Variants in TAF4B observed in about 807,000 individuals in gnomAD.
TAF4B encodes TATA-box binding protein associated factor 4b, also known as transcription initiation factor TFIID subunit 4B.
A neutral mutation model predicts 86.4 loss-of-function variants in TAF4B; 38 were observed. The ratio of observed to expected loss-of-function variants is 0.44; its 90% CI spans 0.34 to 0.58. The LOEUF is 0.58. Among genes scored for constraint, TAF4B ranks in the 20% least tolerant of loss-of-function variants. The pLI is 0.02. For synonymous variants in TAF4B, 388 were observed against 391.2 expected, an observed-to-expected ratio of 0.99 and a Z score of 0.10; for missense variants, 988 against 1,027.6, an observed-to-expected ratio of 0.96 and a Z score of 0.53.
chr18:26,276,292 C>G (rs927499275), intron 5 of TAF4B, among the ~76,000 whole-genome samples: 10 of 152,048 alleles, frequency 6.6e-5, no homozygotes, highest in African/African-American at 2.4e-4. Flanking sequence ...TGGTTTCTTA[C>G]ATCCTCTTTC....
intron 14 of TAF4B, among the ~76,000 whole-genome samples, chr18:26,365,705 G>A (rs2057367165): frequency 6.6e-6 from 1 of 152,164 alleles, no homozygotes; most frequent in Non-Finnish European, 1.5e-5. Context: ...AGCAAGATAG[G>A]GCTTCCAAAG....
At chr18:26,332,554 C>T (rs185892908) in intron 12 of TAF4B, among the ~76,000 whole-genome samples, 32 of 152,114 alleles carry the variant, frequency 2.1e-4, no homozygotes, top group African/African-American at 7.2e-4. Flanking sequence ...GTTTTTGAGA[C>T]GGAGTTTTGT....
chr18:26,229,494 CTTTTT>C (rs34261854), intron 1 of TAF4B, among the ~76,000 whole-genome samples: 1,339 of 129,370 alleles, frequency 0.01, 11 homozygotes, highest in African/African-American at 0.035. Context: ...TTCTTTCTTT[CTTTTT>C]TTTTTTTTTT....
At chr18:26,318,076 A>G (rs1023088924) in intron 10 of TAF4B, among the ~76,000 whole-genome samples, 3 of 152,216 alleles carry the variant, frequency 2.0e-5, no homozygotes, top group Non-Finnish European at 4.4e-5. Context: ...TCTGTTGCCC[A>G]GGCTGGAGTA....
chr18:26,233,383 C>CAT (rs755243103), intron 1 of TAF4B, among the ~76,000 whole-genome samples: 7 of 152,082 alleles, frequency 4.6e-5, no homozygotes, highest in Non-Finnish European at 1.0e-4. Context: ...GGTGAATGGT[C>CAT]ATGCAGGGAG....
intron 10 of TAF4B, among the ~76,000 whole-genome samples, chr18:26,319,960 A>G (rs1433225093): frequency 3.3e-5 from 5 of 152,164 alleles, no homozygotes; most frequent in Admixed American, 3.3e-4. Context: ...CTGAGATTAG[A>G]GAGGATTTCA....
intron 9 of TAF4B, 112 bp from the exon 10 acceptor site, chr18:26,315,095 ACTCTCTCTCTCTCTCTCTCTCT>A (rs58691265): frequency 2.3e-5 from 5 of 220,302 alleles, no homozygotes; most frequent in Admixed American, 2.3e-4. Flanking sequence ...GCTCTCTGAA[ACTCTCTCTCTCTCTCTCTCTCT>A]CTCTCTCTCT....
At chr18:26,229,964 A>AATATAT (rs72151328) in intron 1 of TAF4B, among the ~76,000 whole-genome samples, 90 of 149,560 alleles carry the variant, frequency 6.0e-4, no homozygotes, top group African/African-American at 2.2e-3. Context: ...TTAAAAAAAA[A>AATATAT]ATATATATAT....
chr18:26,247,281 G>C (rs1454162117), intron 1 of TAF4B, among the ~76,000 whole-genome samples: 1 of 152,112 alleles, frequency 6.6e-6, no homozygotes, highest in Non-Finnish European at 1.5e-5. Context: ...CAGAATTCTG[G>C]GGAACACCAT....
At chr18:26,309,584 T>G (rs1233289518) in intron 9 of TAF4B, among the ~76,000 whole-genome samples, 1 of 152,132 alleles carries the variant, frequency 6.6e-6, no homozygotes, top group East Asian at 1.9e-4. Context: ...GTACCACTCT[T>G]GATCTATTTT....
rs371257774 is a variant in TAF4B at position 26,375,134 on chromosome 18, C to G, written c.2422-14711C>G. On this transcript the variant is annotated intron_variant, in intron 14 of 14. Transcript: ENST00000269142. ...CTATTTTTCAGTCTGTAAGGATTCA[C>G]CTATTCTAGGCATTCATACAAACGG... Among the ~76,000 whole-genome samples the G allele has an allele frequency of 2.6e-4, 39 of 152,270 alleles. No individual in the cohort carries two copies. The East Asian group carries it at 6.4e-3, about 25-fold the overall frequency.
At chr18:26,294,542 T>TTA (rs2056637080) in intron 9 of TAF4B, among the ~76,000 whole-genome samples, 1 of 149,242 alleles carries the variant, frequency 6.7e-6, no homozygotes, top group Non-Finnish European at 1.5e-5. Context: ...TATATATTTC[T>TTA]TATATATACA....
intron 14 of TAF4B, among the ~76,000 whole-genome samples, chr18:26,371,561 C>T (rs369759657): frequency 6.6e-6 from 1 of 152,072 alleles, no homozygotes; most frequent in Non-Finnish European, 1.5e-5. Flanking sequence ...ATGTGATTAC[C>T]GTAATGGTCA....
intron 1 of TAF4B, among the ~76,000 whole-genome samples, chr18:26,262,355 A>G (rs1349826407): frequency 6.6e-6 from 1 of 152,048 alleles, no homozygotes; most frequent in Non-Finnish European, 1.5e-5. Context: ...TTGAGCTGAG[A>G]AGGGAAAGAG....
intron 10 of TAF4B, 119 bp from the exon 11 acceptor site, chr18:26,320,951 C>A: frequency 7.9e-7 from 1 of 1,259,670 alleles, no homozygotes; most frequent in Non-Finnish European, 1.1e-6. Flanking sequence ...AAATCATAAT[C>A]TCCAAACCTT....
chr18:26,318,183 A>G (rs1337819107), intron 10 of TAF4B, among the ~76,000 whole-genome samples: 1 of 152,090 alleles, frequency 6.6e-6, no homozygotes, highest in Non-Finnish European at 1.5e-5. Context: ...ACAGGTGCGC[A>G]CTACTAAATC....
intron 14 of TAF4B, among the ~76,000 whole-genome samples, chr18:26,361,564 G>A (rs1365935645): frequency 2.0e-5 from 3 of 151,698 alleles, no homozygotes; most frequent in African/African-American, 7.3e-5. Context: ...TAGCCAACAT[G>A]TGAAACCCCG....
At chr18:26,360,513 T>G (rs536153701) in intron 14 of TAF4B, among the ~76,000 whole-genome samples, 1 of 152,328 alleles carries the variant, frequency 6.6e-6, no homozygotes, top group African/African-American at 2.4e-5. Flanking sequence ...TTTTTATTTT[T>G]GTCTTTTGGG....
rs571702764 is a variant in TAF4B, at chr18:26,311,047, A to G, written c.1833-4182A>G. On this transcript the variant is annotated intron_variant, in intron 9 of 14. Coordinates refer to ENST00000269142, the MANE Select transcript of TAF4B (RefSeq NM_005640.3). ...TTGATATTTTTAACAAAGTTCCATAATGATGGACATTTAGGTTGTTTCCAT... is the reference window on the plus strand; with the variant it reads ...TTGATATTTTTAACAAAGTTCCATAGTGATGGACATTTAGGTTGTTTCCAT... Among the ~76,000 whole-genome samples the G allele has an allele frequency of 3.3e-5, 5 of 152,284 alleles. No individual in the cohort carries two copies. In the East Asian group the frequency reaches 9.6e-4, roughly 29 times the overall value.
Sources: allele counts gnomAD v4.1 joint callset (sites outside exome capture counted in the v4.1 genomes callset), GRCh38; gene constraint gnomAD v4.1.1; transcripts MANE v1.5; gene names NCBI Gene and HGNC (gene_info 2026-07-23, HGNC 2026-07-21).